Variants in NHSL2 observed in about 807,000 individuals in gnomAD.
The protein encoded by NHSL2 is NHS like 2.
NHSL2 carries 27 observed loss-of-function variants against 53.4 expected under a neutral mutation model. The ratio of observed to expected loss-of-function variants is 0.51; its 90% CI spans 0.37 to 0.70. The LOEUF is 0.70. Ranked by LOEUF, NHSL2 falls within the 30% of genes least tolerant of loss-of-function variation. The pLI, the probability that NHSL2 is intolerant of heterozygous loss-of-function variation, is 0.00. For synonymous variants in NHSL2, 408 were observed against 404.1 expected, an observed-to-expected ratio of 1.01 and a Z score of -0.12; for missense variants, 892 against 980.1, an observed-to-expected ratio of 0.91 and a Z score of 1.20.
intron 1 of NHSL2, among the ~76,000 whole-genome samples, chrX:71,991,818 T>TCTCTC (rs778925898): frequency 8.0e-5 from 8 of 99,879 alleles, no homozygotes; most frequent in African/African-American, 2.7e-4. Context: ...GTCTTTCTCT[T>TCTCTC]TCTCTCTCTC....
At chrX:72,066,418 A>C (rs1328692704) in intron 1 of NHSL2, among the ~76,000 whole-genome samples, 1 of 111,688 alleles carries the variant, frequency 9.0e-6, no homozygotes, top group Non-Finnish European at 1.9e-5. Flanking sequence ...CAGAGGGAGT[A>C]TGTGACTCCC....
chrX:72,016,231 T>C (rs1437341090), intron 1 of NHSL2, among the ~76,000 whole-genome samples: 2 of 112,590 alleles, frequency 1.8e-5, no homozygotes, highest in Non-Finnish European at 1.9e-5. Context: ...ATTCGTTGAA[T>C]AGTCCATTCT....
intron 1 of NHSL2, among the ~76,000 whole-genome samples, chrX:72,095,353 T>C (rs934413505): frequency 8.9e-6 from 1 of 112,506 alleles, no homozygotes; most frequent in Non-Finnish European, 1.9e-5. Context: ...GACCAAGGTG[T>C]CTGGGTCAGA....
At chrX:71,911,409 C>G in intron 1 of NHSL2, 42 bp downstream of exon 1, 1 of 1,019,530 alleles carries the variant, frequency 9.8e-7, no homozygotes, top group Non-Finnish European at 1.3e-6. Context: ...CGCGTCTACC[C>G]CGCCTCTAGG....
intron 1 of NHSL2, among the ~76,000 whole-genome samples, chrX:72,003,583 T>A: frequency 1.8e-5 from 2 of 111,732 alleles, no homozygotes; most frequent in Middle Eastern, 9.2e-3. Flanking sequence ...AGTTTACTTC[T>A]ATGTGTGAGG....
intron 1 of NHSL2, among the ~76,000 whole-genome samples, chrX:72,011,399 C>T (rs1046578210): frequency 1.2e-4 from 14 of 112,571 alleles, no homozygotes; most frequent in Non-Finnish European, 2.1e-4. Context: ...CGGCCAGGTG[C>T]GGTGGCTCAC....
At chrX:72,084,420 C>T (rs2041817969) in intron 1 of NHSL2, among the ~76,000 whole-genome samples, 1 of 112,153 alleles carries the variant, frequency 8.9e-6, no homozygotes, top group African/African-American at 3.2e-5. Flanking sequence ...GGGAAAGATG[C>T]AGGACTGGTT....
intron 6 of NHSL2, 92 bp downstream of exon 6, chrX:72,140,863 T>A: frequency 2.6e-6 from 2 of 766,900 alleles, no homozygotes; most frequent in Non-Finnish European, 3.7e-6. Flanking sequence ...TGCCCCAGAA[T>A]AATTATCCTG....
At chrX:72,007,476 G>A (rs2042099281) in intron 1 of NHSL2, among the ~76,000 whole-genome samples, 1 of 112,554 alleles carries the variant, frequency 8.9e-6, no homozygotes, top group Non-Finnish European at 1.9e-5. Flanking sequence ...ATCCCTCAGA[G>A]AGTTCTTCTT....
At chrX:72,120,136 C>T (rs1229291907) in intron 1 of NHSL2, among the ~76,000 whole-genome samples, 1 of 112,246 alleles carries the variant, frequency 8.9e-6, no homozygotes, top group Non-Finnish European at 1.9e-5. Flanking sequence ...ATTTTTGCAT[C>T]TATACTCATA....
intron 1 of NHSL2, among the ~76,000 whole-genome samples, chrX:72,047,695 T>A (rs1296583626): frequency 9.0e-6 from 1 of 111,415 alleles, no homozygotes; most frequent in East Asian, 2.8e-4. Context: ...AGGCCCAGAG[T>A]GCTGGGCTGG....
At position 72,137,004 on chromosome X, in the gene NHSL2, G is replaced by T. The variant is rs1244097527; in HGVS notation, c.761-90G>T. On this transcript the variant is annotated intron_variant, in intron 4 of 7. Transcript: ENST00000633930. Reference sequence around the variant, plus strand: ...CTTGGATGCTATTCATGCTTATCACGACTGCCATCATTCTCTTCTCTCAGG... The same window carrying T: ...CTTGGATGCTATTCATGCTTATCACTACTGCCATCATTCTCTTCTCTCAGG... The T allele has an allele frequency of 5.1e-6, 4 of 790,521 alleles. No homozygotes were observed. In the Admixed American group the frequency reaches 9.0e-5, roughly 18 times the overall value. The allele number at this position is 790,521 out of a possible 1,213,427, so 65.1% of individuals were successfully genotyped here. A position where few individuals can be genotyped will look rare whatever the true frequency, so the allele number is the denominator to read the frequency against.
intron 1 of NHSL2, among the ~76,000 whole-genome samples, chrX:72,028,816 G>A (rs1412454449): frequency 8.9e-6 from 1 of 112,762 alleles, no homozygotes; most frequent in Non-Finnish European, 1.9e-5. Context: ...TGACAGAAGG[G>A]GTGGCCCAGG....
At chrX:71,920,746 G>T in intron 1 of NHSL2, among the ~76,000 whole-genome samples, 1 of 112,048 alleles carries the variant, frequency 8.9e-6, no homozygotes, top group Admixed American at 9.4e-5. Flanking sequence ...AAAAAAAAAT[G>T]ATCTCGCAGA....
At chrX:71,993,351 C>T (rs747699968) in intron 1 of NHSL2, among the ~76,000 whole-genome samples, 36 of 112,260 alleles carry the variant, frequency 3.2e-4, no homozygotes, top group African/African-American at 9.7e-4. Flanking sequence ...AAAATGCAAT[C>T]GCCTACTGAG....
chrX:71,921,741 A>G (rs995745646), intron 1 of NHSL2, among the ~76,000 whole-genome samples: 3 of 111,789 alleles, frequency 2.7e-5, no homozygotes, highest in East Asian at 5.6e-4. Flanking sequence ...TATAGGCAAG[A>G]GGAAAGAAAC....
At chrX:71,997,444 C>T (rs1440666808) in intron 1 of NHSL2, among the ~76,000 whole-genome samples, 2 of 112,507 alleles carry the variant, frequency 1.8e-5, no homozygotes, top group Non-Finnish European at 3.8e-5. Context: ...CACACGTCCT[C>T]TGAACTCCCT....
intron 4 of NHSL2, among the ~76,000 whole-genome samples, chrX:72,135,281 G>A: frequency 8.9e-6 from 1 of 111,959 alleles, no homozygotes; most frequent in Middle Eastern, 4.6e-3. Flanking sequence ...AAGACCAAAA[G>A]GGGACCCAGT....
chrX:72,137,241 C>G lies in NHSL2; in HGVS notation c.892+16C>G, dbSNP rs1352378954. ...CGAGACCAAGGTGACCCCACCACAG[C>G]TGATTCCCCAGTCCCTTCCCCTTAC... On this transcript the variant is annotated intron_variant, in intron 5 of 7. Coordinates refer to ENST00000633930, the MANE Select transcript of NHSL2 (RefSeq NM_001013627.3). 1 of 1,153,661 alleles carries G rather than the reference C, an allele frequency of 8.7e-7. No homozygotes were observed. Among genetic ancestry groups the G allele is most frequent in the East Asian group, 3.3e-5 (1 of 30,668 alleles).
Sources: gnomAD v4.1 joint callset for allele counts (sites outside exome capture counted in the v4.1 genomes callset) on GRCh38, gnomAD v4.1.1 for gene constraint, MANE v1.5 for transcripts, NCBI Gene and HGNC (gene_info 2026-07-23, HGNC 2026-07-21) for gene names.